The following STOML1 variants were observed in gnomAD, a reference collection of about 807,000 sequenced individuals.
STOML1 encodes stomatin like 1, also known as stomatin-like protein 1.
STOML1 carries 27 observed loss-of-function variants against 35.7 expected under a neutral mutation model. The observed-to-expected ratio is 0.76, with a 90% confidence interval of 0.56 to 1.04. STOML1 has a LOEUF of 1.04. Among genes scored for constraint, STOML1 ranks in the 50% least tolerant of loss-of-function variants. The pLI, the probability that STOML1 is intolerant of heterozygous loss-of-function variation, is 0.00. For synonymous variants in STOML1, 219 were observed against 227.9 expected, an observed-to-expected ratio of 0.96 and a Z score of 0.35; for missense variants, 451 against 527.1, an observed-to-expected ratio of 0.86 and a Z score of 1.41.
At chr15:73,992,451 G>C (rs1008633381), upstream of STOML1, 18 of 390,914 alleles carry the variant, frequency 4.6e-5, no homozygotes, top group Non-Finnish European at 6.6e-5. Context: ...GGGTGTGATC[G>C]GCGTTCCTCG....
chr15:73,991,741 G>C (rs1394531713), intron 1 of STOML1: 2 of 519,104 alleles, frequency 3.9e-6, no homozygotes, highest in Non-Finnish European at 7.4e-6. Flanking sequence ...GGTGCTGGTG[G>C]CCTCCTCTGC....
chr15:73,993,007 T>C (rs1047229538), upstream of STOML1, among the ~76,000 whole-genome samples: 3 of 152,152 alleles, frequency 2.0e-5, no homozygotes, highest in Admixed American at 6.5e-5. Flanking sequence ...TCAATACTTA[T>C]TTGTTAAGTA....
rs552271249 is a variant in STOML1, at chr15:73,981,333, AC to A, written c.*2603del. 69 of 152,264 alleles carry A rather than the reference AC, an allele frequency of 4.5e-4. No homozygotes were observed. Among genetic ancestry groups the A allele is most frequent in the African/African-American group, 1.5e-3 (64 of 41,544 alleles). 9.4% of individuals were successfully genotyped at this position (152,264 alleles called of 1,614,324 possible). A position where few individuals can be genotyped will look rare whatever the true frequency, so the allele number is the denominator to read the frequency against. On this transcript the variant is annotated 3_prime_UTR_variant, in exon 7 of 7. Transcript: ENST00000541638. ...ATTGTACTGTACTCTAACATGGGCA[AC>A]AGAGTAAGACTCTTGTTTCAAAAAA...
rs759401782 is a variant in STOML1, at chr15:73,990,338, C to T, written c.240+13G>A. The T allele has an allele frequency of 1.3e-5, 21 of 1,612,704 alleles. 1 individual carries two copies. Among genetic ancestry groups the T allele is most frequent in the Non-Finnish European group, 1.8e-5 (21 of 1,178,824 alleles). ...GGCCCAACCACCCTGGGGGCTGACC[C>T]AGCCAGCCTTACCTTCAGGGCAAAC... On this transcript the variant is annotated intron_variant, in intron 2 of 6. Coordinates refer to ENST00000541638, the MANE Select transcript of STOML1 (RefSeq NM_004809.5).
chr15:73,992,297 C>G, upstream of STOML1: 1 of 1,479,322 alleles, frequency 6.8e-7, no homozygotes, highest in Non-Finnish European at 8.9e-7. Flanking sequence ...CGCGGCCCCG[C>G]CCTCCTGGCT....
At chr15:73,992,353 G>T (rs2069311642), upstream of STOML1, 2 of 1,166,640 alleles carry the variant, frequency 1.7e-6, no homozygotes, top group Non-Finnish European at 2.2e-6. Context: ...CGGCGCGGGC[G>T]CAGGAAGAGG....
chr15:73,984,808 C>A lies in STOML1; in HGVS notation c.854G>T (p.Ser285Ile), dbSNP rs1383431186. ...CCCCTCCGCCAGAGGCTGCTTCGGACTGGACCTGGCACCAACTTGAGGGGC... is the reference window on the plus strand; with the variant it reads ...CCCCTCCGCCAGAGGCTGCTTCGGAATGGACCTGGCACCAACTTGAGGGGC... ...PPAPQVGARS[S>I]PKQPLAEGLL... Residue 285 changes from serine (S) to isoleucine (I), a missense_variant, in exon 6 of 7, where the codon AGT (serine) becomes ATT (isoleucine). Coordinates refer to ENST00000541638, the MANE Select transcript of STOML1 (RefSeq NM_004809.5). 6.2e-7 allele frequency: 1 copy of A among 1,614,020 alleles called. No individual in the cohort carries two copies. Among genetic ancestry groups the A allele is most frequent in the East Asian group, 2.2e-5 (1 of 44,896 alleles).
chr15:73,994,562 G>A (rs1287938928), upstream of STOML1: 3 of 573,718 alleles, frequency 5.2e-6, no homozygotes, highest in Non-Finnish European at 9.5e-6. Context: ...GTAAGTCAGC[G>A]GTAGGTCTGC....
intron 1 of STOML1, chr15:73,991,507 C>A: frequency 2.2e-6 from 1 of 447,046 alleles, no homozygotes; most frequent in Admixed American, 2.4e-5. Flanking sequence ...AGGGAGGGAT[C>A]AAATCCAAGG....
At position 73,981,079 on chromosome 15, in the gene STOML1, G is replaced by A. The variant is rs956073689; in HGVS notation, c.*2858C>T. Reference sequence around the variant, plus strand: ...TTTTAAATGCTTAAAAATAAGGCCAGGTGCGGTGGCTCACACCTATAATCC... The same window carrying A: ...TTTTAAATGCTTAAAAATAAGGCCAAGTGCGGTGGCTCACACCTATAATCC... On this transcript the variant is annotated 3_prime_UTR_variant, in exon 7 of 7. Coordinates refer to ENST00000541638, the MANE Select transcript of STOML1 (RefSeq NM_004809.5). 6.6e-6 allele frequency: 1 copy of A among 152,030 alleles called. No homozygotes were observed. 9.4% of individuals were successfully genotyped at this position (152,030 alleles called of 1,614,324 possible). A position where few individuals can be genotyped will look rare whatever the true frequency, so the allele number is the denominator to read the frequency against.
chr15:73,985,418 TG>T lies in STOML1; in HGVS notation c.689del (p.Pro230GlnfsTer22). On this transcript the variant is annotated frameshift_variant, in exon 5 of 7. Transcript: ENST00000541638. LOFTEE classifies it high-confidence loss of function. Reference sequence around the variant, plus strand: ...GGGTGCTGTCCAGGTTGGGCCCAGCTGGGCTGTCCTGGGGCGGCTGGAGCAC... The same window carrying T: ...GGGTGCTGTCCAGGTTGGGCCCAGCTGGCTGTCCTGGGGCGGCTGGAGCAC... ...EAVLQPPQDS[P>X]AGPNLDSTLQ... The T allele has an allele frequency of 6.4e-7, 1 of 1,559,622 alleles. No homozygotes were observed. Among genetic ancestry groups the T allele is most frequent in the South Asian group, 1.2e-5 (1 of 82,976 alleles).
intron 4 of STOML1, chr15:73,987,545 AG>A (rs2069136648): frequency 6.6e-6 from 1 of 152,238 alleles, no homozygotes; most frequent in Non-Finnish European, 1.5e-5. Context: ...TATGAATAAA[AG>A]TTGTTATCCA....
In STOML1 at chr15:73,984,691, G is replaced by A. The variant is rs1450907366; in HGVS notation, c.971C>T (p.Thr324Ile). Reference sequence around the variant, plus strand: ...GAGGTCCAGGAAGTAGGCGCTTTGGGTGCCGCTGGGCAGGACGACATTGAA... The same window carrying A: ...GAGGTCCAGGAAGTAGGCGCTTTGGATGCCGCTGGGCAGGACGACATTGAA... The part of the protein sequence containing the change: ...YQFNVVLPSG[T>I]QSAYFLDLTT... Residue 324 changes from threonine (T) to isoleucine (I), a missense_variant, in exon 6 of 7, where the codon ACC (threonine) becomes ATC (isoleucine). Transcript: ENST00000541638. 1 of 1,614,156 alleles carries A rather than the reference G, an allele frequency of 6.2e-7. No individual in the cohort carries two copies. Among genetic ancestry groups the A allele is most frequent in the East Asian group, 2.2e-5 (1 of 44,884 alleles).
intron 1 of STOML1, 96 bp from the exon 2 acceptor site, chr15:73,990,553 G>C: frequency 1.7e-6 from 2 of 1,145,916 alleles, no homozygotes. Context: ...CCTTCCCCTC[G>C]AGAGGCTCCT....
chr15:73,991,128 C>A (rs1467240507), intron 1 of STOML1: 2 of 542,426 alleles, frequency 3.7e-6, no homozygotes, highest in African/African-American at 4.1e-5. Context: ...AAAAAAACAA[C>A]AAACAACAAA....
chr15:73,989,313 C>T, intron 2 of STOML1, 56 bp from the exon 3 acceptor site: 1 of 1,489,142 alleles, frequency 6.7e-7, no homozygotes, highest in Non-Finnish European at 9.0e-7. Flanking sequence ...CTGGCCAATG[C>T]TGTCTGCCTA....
chr15:73,989,983 C>A lies in STOML1; in HGVS notation c.240+368G>T, dbSNP rs2069217299. 4 of 207,058 alleles carry A rather than the reference C, an allele frequency of 1.9e-5. 1 individual carries two copies. The South Asian group carries it at 3.0e-4, about 15-fold the overall frequency. The allele number at this position is 207,058 out of a possible 1,614,324, so 12.8% of individuals were successfully genotyped here. On this transcript the variant is annotated intron_variant, in intron 2 of 6. Transcript: ENST00000541638. ...GTACCACCCCTTATGGAAAATGAGG[C>A]CTGAATTCCTATTATGCACTACCAG...
Position 73,981,432 on chromosome 15 carries a change from T to C in STOML1, c.*2505A>G, listed in dbSNP as rs2068959437. The C allele has an allele frequency of 6.6e-6, 1 of 152,210 alleles. No homozygotes were observed. The highest frequency in any genetic ancestry group is 1.5e-5 in the Non-Finnish European group (1 of 68,044). 9.4% of individuals were successfully genotyped at this position (152,210 alleles called of 1,614,324 possible). On this transcript the variant is annotated 3_prime_UTR_variant, in exon 7 of 7. Transcript: ENST00000541638. ...TATATTAACTAGGATACTTAAACTATTATCATTATTCACCAGGTTATCTTG... is the reference window on the plus strand; with the variant it reads ...TATATTAACTAGGATACTTAAACTACTATCATTATTCACCAGGTTATCTTG...
chr15:73,993,210 A>G (rs967933762), upstream of STOML1, among the ~76,000 whole-genome samples: 22 of 152,252 alleles, frequency 1.4e-4, no homozygotes, highest in Admixed American at 9.8e-4. Context: ...AGGTCCAGAA[A>G]GAGCATGCCC....
Sources: gnomAD v4.1 joint callset for allele counts (sites outside exome capture counted in the v4.1 genomes callset) on GRCh38, gnomAD v4.1.1 for gene constraint, MANE v1.5 for transcripts, NCBI Gene and HGNC (gene_info 2026-07-23, HGNC 2026-07-21) for gene names.